The following RMDN3 variants were observed in gnomAD, a reference collection of about 807,000 sequenced individuals.
The protein encoded by RMDN3 is regulator of microtubule dynamics 3.
A neutral mutation model predicts 61.8 loss-of-function variants in RMDN3; 41 were observed. The ratio of observed to expected loss-of-function variants is 0.66; its 90% CI spans 0.52 to 0.86. The LOEUF (loss-of-function observed/expected upper bound fraction) is 0.86. Ranked by LOEUF, RMDN3 falls within the 40% of genes least tolerant of loss-of-function variation. The pLI, the probability that RMDN3 is intolerant of heterozygous loss-of-function variation, is 0.00. For missense variants in RMDN3, 557 were observed against 585.3 expected (o/e 0.95, Z 0.50); for synonymous variants, 247 against 232.0 (o/e 1.06, Z -0.59).
At chr15:40,752,579 G>A (rs2141927300) in intron 2 of RMDN3, among the ~76,000 whole-genome samples, 2 of 152,156 alleles carry the variant, frequency 1.3e-5, no homozygotes, top group Middle Eastern at 6.8e-3. Flanking sequence ...CTAAAACTGA[G>A]CTCCCTCAAA....
intron 6 of RMDN3, among the ~76,000 whole-genome samples, chr15:40,740,672 A>C (rs545782489): frequency 9.9e-5 from 15 of 152,088 alleles, no homozygotes; most frequent in African/African-American, 3.6e-4. Context: ...CTTCTAAGGG[A>C]AGACTTCAGG....
rs765074201 is a variant in RMDN3 at position 40,751,496 on chromosome 15, T to C, written c.454A>G (p.Thr152Ala). The C allele has an allele frequency of 1.9e-6, 3 of 1,614,182 alleles. No individual in the cohort carries two copies. The highest frequency in any genetic ancestry group is 1.7e-5 in the Admixed American group (1 of 60,012). ...GTGAAGTAGACAGAGCTGGAGCCAG[T>C]GGAGTCACTCCTCTCCCGGACAAAC... ...FPFVRERSDSTGSSSVYFTAS... is the reference protein window; with the variant it reads ...FPFVRERSDSAGSSSVYFTAS... The change falls in exon 4 of 13, where the codon ACT becomes GCT. Residue 152 changes from threonine (T) to alanine (A), a missense_variant. Coordinates refer to ENST00000338376, the MANE Select transcript of RMDN3 (RefSeq NM_018145.3).
rs368450150 is a variant in RMDN3 at position 40,736,495 on chromosome 15, C to A, written c.*46G>T. On this transcript the variant is annotated 3_prime_UTR_variant, in exon 13 of 13. Transcript: ENST00000338376. The stretch of plus-strand genomic sequence containing the variant: ...TAAGGAAAAAAGCCTCCCCGCCCCC[C>A]CACCTTAAATAGTGGCATCAAGTCA... 4 of 1,583,798 alleles carry A rather than the reference C, an allele frequency of 2.5e-6. No individual in the cohort carries two copies. The highest frequency in any genetic ancestry group is 1.7e-5 in the Admixed American group (1 of 59,514).
At chr15:40,748,126 C>T (rs951217601) in intron 4 of RMDN3, among the ~76,000 whole-genome samples, 3 of 152,194 alleles carry the variant, frequency 2.0e-5, no homozygotes, top group Admixed American at 2.0e-4. Context: ...CACCCTCAAT[C>T]TCCTGAGACC....
chr15:40,750,531 G>T (rs1184874065), intron 4 of RMDN3, among the ~76,000 whole-genome samples: 1 of 151,840 alleles, frequency 6.6e-6, no homozygotes, highest in Non-Finnish European at 1.5e-5. Flanking sequence ...GTCCAGGATG[G>T]TCTCAAGCTC....
At chr15:40,739,253 C>T (rs142856235) in intron 7 of RMDN3, 1 of 152,228 alleles carries the variant, frequency 6.6e-6, no homozygotes, top group Non-Finnish European at 1.5e-5. Context: ...AGTTGACATT[C>T]GATGAGTAAC....
At chr15:40,737,405 T>A (rs1039342937) in intron 10 of RMDN3, 64 bp from the exon 11 acceptor site, 1 of 1,476,994 alleles carries the variant, frequency 6.8e-7, no homozygotes, top group Non-Finnish European at 9.5e-7. Flanking sequence ...CTGAAGTTTA[T>A]TAAACTAGAT....
intron 2 of RMDN3, among the ~76,000 whole-genome samples, chr15:40,753,212 T>G (rs1270036129): frequency 6.6e-6 from 1 of 152,196 alleles, no homozygotes; most frequent in Non-Finnish European, 1.5e-5. Flanking sequence ...TCATTTCCAA[T>G]TAGCATGGGA....
rs528477006 is a variant in RMDN3 at position 40,750,842 on chromosome 15, A to G, written c.524+584T>C. ...ACTGACATCACACTCTATCCTTGGG[A>G]CCAGAGTTTCAAAGTGGTGCTAGTG... On this transcript the variant is annotated intron_variant, in intron 4 of 12. Coordinates refer to ENST00000338376, the MANE Select transcript of RMDN3 (RefSeq NM_018145.3). Among the ~76,000 whole-genome samples, 9 of 152,316 alleles carry G rather than the reference A, an allele frequency of 5.9e-5. No homozygotes were observed. The South Asian group carries it at 1.9e-3, about 32-fold the overall frequency.
chr15:40,744,222 C>T (rs781502426), intron 5 of RMDN3, 73 bp from the exon 6 acceptor site: 1 of 1,396,088 alleles, frequency 7.2e-7, no homozygotes, highest in Non-Finnish European at 1.0e-6. Flanking sequence ...GGCCTTCCCC[C>T]ACACCCTAGG....
At chr15:40,744,536 T>C (rs1346060878) in intron 5 of RMDN3, among the ~76,000 whole-genome samples, 1 of 151,944 alleles carries the variant, frequency 6.6e-6, no homozygotes, top group Non-Finnish European at 1.5e-5. Flanking sequence ...GGGCATATAT[T>C]CTGTCAGTGA....
chr15:40,738,845 A>G (rs1897169343), intron 7 of RMDN3: 1 of 510,182 alleles, frequency 2.0e-6, no homozygotes, highest in African/African-American at 1.9e-5. Flanking sequence ...AATCTCTCTT[A>G]CACAGTAAAT....
intron 2 of RMDN3, among the ~76,000 whole-genome samples, chr15:40,753,411 C>T (rs943014132): frequency 1.3e-5 from 2 of 152,070 alleles, no homozygotes; most frequent in Middle Eastern, 6.3e-3. Flanking sequence ...ACTCGGGAGG[C>T]TGAGGCACGA....
intron 4 of RMDN3, among the ~76,000 whole-genome samples, chr15:40,746,541 G>A (rs533925740): frequency 6.6e-6 from 1 of 151,140 alleles, no homozygotes; most frequent in South Asian, 2.1e-4. Flanking sequence ...AAAAGAATAG[G>A]CTCCCTGTGG....
intron 7 of RMDN3, 87 bp downstream of exon 7, chr15:40,740,046 C>T (rs1897216428): frequency 1.2e-6 from 1 of 857,834 alleles, no homozygotes; most frequent in Non-Finnish European, 2.0e-6. Flanking sequence ...TGGAAAATGC[C>T]TCTGTGGCCC....
intron 6 of RMDN3, among the ~76,000 whole-genome samples, chr15:40,741,691 A>G (rs1331178047): frequency 7.5e-6 from 1 of 132,646 alleles, no homozygotes; most frequent in South Asian, 2.5e-4. Flanking sequence ...GTGCAATAGC[A>G]CGATCTAGGC....
At position 40,737,607 on chromosome 15, in the gene RMDN3, T is replaced by G. The variant is rs752047912; in HGVS notation, c.1224+21A>C. 7.5e-6 allele frequency: 12 copies of G among 1,600,746 alleles called. No individual in the cohort carries two copies. The East Asian group carries it at 2.5e-4, about 33-fold the overall frequency. ...ACAAGGTTACCCTGGTGTTTTTGCC[T>G]GCCACCTGCCCCTCTCATACCTTTA... On this transcript the variant is annotated intron_variant, in intron 10 of 12. Coordinates refer to ENST00000338376, the MANE Select transcript of RMDN3 (RefSeq NM_018145.3).
At chr15:40,751,616 G>A (rs567574830) in intron 3 of RMDN3, 47 bp from the exon 4 acceptor site, 2 of 1,613,010 alleles carry the variant, frequency 1.2e-6, no homozygotes, top group Non-Finnish European at 1.7e-6. Context: ...GTCCCATCCA[G>A]CTTGTCTTTC....
Position 40,736,368 on chromosome 15 carries a change from ATTAGGTTAGAGG to A in RMDN3, c.*161_*172del. 1.7e-6 allele frequency: 1 copy of A among 596,404 alleles called. No homozygotes were observed. 36.9% of individuals were successfully genotyped at this position (596,404 alleles called of 1,614,324 possible). On this transcript the variant is annotated 3_prime_UTR_variant, in exon 13 of 13. Coordinates refer to ENST00000338376, the MANE Select transcript of RMDN3 (RefSeq NM_018145.3). Reference sequence around the variant, plus strand: ...GCCATGAGTACTGCCCCAATTCTAGATTAGGTTAGAGGTTAGAATAAATTAACTAATGGGGAG... The same window carrying A: ...GCCATGAGTACTGCCCCAATTCTAGATTAGAATAAATTAACTAATGGGGAG...
Sources: allele counts gnomAD v4.1 joint callset (sites outside exome capture counted in the v4.1 genomes callset), GRCh38; gene constraint gnomAD v4.1.1; transcripts MANE v1.5; gene names NCBI Gene and HGNC (gene_info 2026-07-23, HGNC 2026-07-21).